The following HMGCLL1 variants were observed in gnomAD, a reference collection of about 807,000 sequenced individuals.
The protein encoded by HMGCLL1 is 3-hydroxy-3-methylglutaryl-CoA lyase like 1, also known as 3-hydroxymethyl-3-methylglutaryl-CoA lyase, cytoplasmic.
A neutral mutation model predicts 39.1 loss-of-function variants in HMGCLL1; 36 were observed. The ratio of observed to expected loss-of-function variants is 0.92; its 90% CI spans 0.71 to 1.22. The LOEUF (loss-of-function observed/expected upper bound fraction) is 1.22. HMGCLL1 is among the 50% of genes most tolerant of loss of function. The probability of loss-of-function intolerance (pLI) is 0.00; values close to 1 mark genes in which losing one functional copy is unlikely to be tolerated. For missense variants in HMGCLL1, 451 were observed against 416.5 expected, an observed-to-expected ratio of 1.08 and a Z score of -0.72; for synonymous variants, 149 against 144.0, an observed-to-expected ratio of 1.03 and a Z score of -0.25.
chr6:55,540,512 A>G (rs2127455974), intron 3 of HMGCLL1, among the ~76,000 whole-genome samples: 1 of 152,176 alleles, frequency 6.6e-6, no homozygotes, highest in Non-Finnish European at 1.5e-5. Flanking sequence ...CCATCTGCAA[A>G]TAAGGAAGTG....
intron 1 of HMGCLL1, among the ~76,000 whole-genome samples, chr6:55,545,731 G>A (rs1355686477): frequency 2.0e-5 from 3 of 152,012 alleles, no homozygotes; most frequent in African/African-American, 7.2e-5. Flanking sequence ...TGAATTCTAC[G>A]TGCTTGTATA....
chr6:55,570,468 C>G (rs750478289), intron 1 of HMGCLL1, among the ~76,000 whole-genome samples: 5 of 152,154 alleles, frequency 3.3e-5, no homozygotes, highest in Non-Finnish European at 5.9e-5. Flanking sequence ...ACTCCCACTT[C>G]TTTTTACTAA....
chr6:55,598,143 A>C, the HMGCLL1 span, among the ~76,000 whole-genome samples: 2 of 152,128 alleles, frequency 1.3e-5, no homozygotes, highest in South Asian at 2.1e-4. Flanking sequence ...ATAATAATAG[A>C]ATAAATTTGT....
the HMGCLL1 span, among the ~76,000 whole-genome samples, chr6:55,623,842 G>T: frequency 6.6e-6 from 1 of 151,848 alleles, no homozygotes; most frequent in Admixed American, 6.6e-5. Flanking sequence ...AGGGAATTCT[G>T]CCAGCTGCTA....
At chr6:55,606,475 T>C in the HMGCLL1 span, among the ~76,000 whole-genome samples, 1 of 152,156 alleles carries the variant, frequency 6.6e-6, no homozygotes, top group Non-Finnish European at 1.5e-5. Context: ...CCTAGCCCAG[T>C]GTTCTGCCAT....
At chr6:55,556,771 CT>C (rs1391462201) in intron 1 of HMGCLL1, among the ~76,000 whole-genome samples, 1 of 152,066 alleles carries the variant, frequency 6.6e-6, no homozygotes, top group East Asian at 1.9e-4. Context: ...AGATTAGGAT[CT>C]TTTGGGTACG....
the HMGCLL1 span, among the ~76,000 whole-genome samples, chr6:55,615,679 T>C: frequency 3.9e-5 from 6 of 152,174 alleles, no homozygotes; most frequent in Non-Finnish European, 5.9e-5. Context: ...TAGTATCTGG[T>C]AGGCCCTGCC....
chr6:55,647,743 T>C, the HMGCLL1 span, among the ~76,000 whole-genome samples: 308 of 105,762 alleles, frequency 2.9e-3, 1 homozygote, highest in African/African-American at 0.014. Context: ...CTTTTTTTTT[T>C]CCTTTTTTTT....
chr6:55,563,397 AG>A (rs1771055883), intron 1 of HMGCLL1, among the ~76,000 whole-genome samples: 2 of 152,122 alleles, frequency 1.3e-5, no homozygotes, highest in African/African-American at 4.8e-5. Flanking sequence ...AGATATGCCC[AG>A]TTTTTTTGGT....
intron 7 of HMGCLL1, among the ~76,000 whole-genome samples, chr6:55,456,561 C>T (rs1764330489): frequency 6.6e-6 from 1 of 152,194 alleles, no homozygotes; most frequent in African/African-American, 2.4e-5. Context: ...TGCATTTCCC[C>T]AGTTCTCATA....
At chr6:55,623,623 G>A in the HMGCLL1 span, among the ~76,000 whole-genome samples, 3,758 of 150,134 alleles carry the variant, frequency 0.025, 189 homozygotes, top group African/African-American at 0.087. Flanking sequence ...GCCGAAGAGA[G>A]ATATATACAT....
chr6:55,550,299 T>C (rs1770257638), intron 1 of HMGCLL1, among the ~76,000 whole-genome samples: 2 of 152,052 alleles, frequency 1.3e-5, no homozygotes, highest in South Asian at 2.1e-4. Flanking sequence ...ACTAAAGTTT[T>C]GGCAGCTGAT....
chr6:55,557,437 G>T (rs1770732578), intron 1 of HMGCLL1, among the ~76,000 whole-genome samples: 1 of 152,028 alleles, frequency 6.6e-6, no homozygotes, highest in Non-Finnish European at 1.5e-5. Context: ...GCCATATCTA[G>T]TTTGCTTCTC....
chr6:55,665,188 T>C, the HMGCLL1 span, among the ~76,000 whole-genome samples: 2 of 151,728 alleles, frequency 1.3e-5, no homozygotes, highest in Non-Finnish European at 3.0e-5. Flanking sequence ...GATATGTATC[T>C]CGATAATGCA....
At chr6:55,475,133 G>A (rs1765229274) in intron 7 of HMGCLL1, among the ~76,000 whole-genome samples, 1 of 151,504 alleles carries the variant, frequency 6.6e-6, no homozygotes, top group Non-Finnish European at 1.5e-5. Flanking sequence ...AGTCTATTGT[G>A]GGCTGGAGAA....
At chr6:55,531,049 A>G (rs1768636463) in intron 3 of HMGCLL1, among the ~76,000 whole-genome samples, 1 of 152,224 alleles carries the variant, frequency 6.6e-6, no homozygotes, top group Admixed American at 6.5e-5. Flanking sequence ...TATCCAGACT[A>G]CGCTTAATAT....
At chr6:55,628,488 G>C in the HMGCLL1 span, among the ~76,000 whole-genome samples, 1 of 151,296 alleles carries the variant, frequency 6.6e-6, no homozygotes, top group African/African-American at 2.4e-5. Context: ...TTTTTTAGTA[G>C]AGATGGGGTT....
Position 55,495,434 on chromosome 6 carries a change from G to T in HMGCLL1, c.780C>A (p.Ile260=). Residue 260 remains isoleucine, a synonymous_variant, in exon 7 of 9, where the codon ATC becomes ATA. Coordinates refer to ENST00000274901, the MANE Select transcript of HMGCLL1 (RefSeq NM_001042406.2). Reference sequence around the variant, plus strand: ...TACAAAATACCTGAAGGGCCGTAAGGATATTTGCTAAGGCTTGTCCGTATG... The same window carrying T: ...TACAAAATACCTGAAGGGCCGTAAGTATATTTGCTAAGGCTTGTCCGTATG... ...HDTYGQALAN[I]LTALQMGINV... 6.2e-7 allele frequency: 1 copy of T among 1,613,686 alleles called. No homozygotes were observed. The highest frequency in any genetic ancestry group is 8.5e-7 in the Non-Finnish European group (1 of 1,179,750).
At chr6:55,439,663 T>G in intron 7 of HMGCLL1, 104 bp from the exon 8 acceptor site, 1 of 1,255,748 alleles carries the variant, frequency 8.0e-7, no homozygotes, top group Non-Finnish European at 1.1e-6. Flanking sequence ...AAATCTGAAC[T>G]GGTTATTCAA....
Sources: gnomAD v4.1 joint callset for allele counts (sites outside exome capture counted in the v4.1 genomes callset) on GRCh38, gnomAD v4.1.1 for gene constraint, MANE v1.5 for transcripts, NCBI Gene and HGNC (gene_info 2026-07-23, HGNC 2026-07-21) for gene names.